Variants in CNTNAP3 observed in about 807,000 individuals in gnomAD.
CNTNAP3 encodes contactin associated protein family member 3.
CNTNAP3 carries 36 observed loss-of-function variants against 92.1 expected under a neutral mutation model. That is an observed-to-expected ratio of 0.39 (90% confidence interval 0.30 to 0.52). CNTNAP3 has a LOEUF of 0.52. Ranked by LOEUF, CNTNAP3 falls within the 20% of genes least tolerant of loss-of-function variation. The pLI is 0.76. For synonymous variants in CNTNAP3, 232 were observed against 422.3 expected (o/e 0.55, Z 5.53); for missense variants, 534 against 1,069.6 (o/e 0.50, Z 6.98).
chr9:39,094,793 G>A (rs961787590), intron 18 of CNTNAP3, among the ~76,000 whole-genome samples: 1 of 151,446 alleles, frequency 6.6e-6, no homozygotes, highest in African/African-American at 2.4e-5. Flanking sequence ...CTCCAACTTT[G>A]TTCTTTTGTA....
At chr9:39,091,546 C>G (rs1826202125) in intron 18 of CNTNAP3, among the ~76,000 whole-genome samples, 1 of 152,010 alleles carries the variant, frequency 6.6e-6, no homozygotes, top group Non-Finnish European at 1.5e-5. Context: ...GGGATCATTT[C>G]CACTTTGTCT....
chr9:39,124,799 T>C (rs924500657), intron 13 of CNTNAP3, among the ~76,000 whole-genome samples: 6 of 152,132 alleles, frequency 3.9e-5, no homozygotes, highest in Admixed American at 6.5e-5. Context: ...AAATCAAAAC[T>C]ACAATGAGAT....
intron 2 of CNTNAP3, among the ~76,000 whole-genome samples, chr9:39,253,014 TACACACACACAC>T (rs1178975952): frequency 5.5e-4 from 2 of 3,614 alleles, no homozygotes; most frequent in African/African-American, 5.9e-4. Context: ...CAACTGAATA[TACACACACACAC>T]ACACACACAC....
intron 14 of CNTNAP3, among the ~76,000 whole-genome samples, chr9:39,114,194 T>A: frequency 6.6e-6 from 1 of 151,420 alleles, no homozygotes; most frequent in African/African-American, 2.4e-5. Flanking sequence ...GCCATTCTCC[T>A]GCCTCAGCCT....
At chr9:39,150,051 G>T in intron 9 of CNTNAP3, 74 bp from the exon 10 acceptor site, 1 of 1,046,672 alleles carries the variant, frequency 9.6e-7, no homozygotes, top group East Asian at 2.5e-5. Context: ...ACTATATGAA[G>T]ACTGCTGCTC....
rs759569037 is a variant in CNTNAP3, at chr9:39,118,236, C to T, written c.2104G>A (p.Val702Ile). ...SRDGTPLSWWVGRTNETHTSW... is the reference protein window; with the variant it reads ...SRDGTPLSWWIGRTNETHTSW... ...GTGTGTGTTTCATTGGTTCTTCCAA[C>T]CCACCAGCTCAGTGGGGTTCCATCT... Residue 702 changes from valine (V) to isoleucine (I), a missense_variant, in exon 14 of 24, where the codon GTT becomes ATT. Val to Ile is a conservative substitution (Grantham distance 29). Transcript: ENST00000297668. 7 of 1,611,390 alleles carry T rather than the reference C, an allele frequency of 4.3e-6. No individual in the cohort carries two copies. The highest frequency in any genetic ancestry group is 5.1e-6 in the Non-Finnish European group (6 of 1,179,342).
chr9:39,090,097 G>C (rs934848499), intron 18 of CNTNAP3, among the ~76,000 whole-genome samples: 161 of 152,096 alleles, frequency 1.1e-3, no homozygotes, highest in African/African-American at 3.8e-3. Context: ...CCGCCACTAC[G>C]CGTGGCTAAT....
intron 13 of CNTNAP3, among the ~76,000 whole-genome samples, chr9:39,119,216 G>C (rs1362115794): frequency 6.6e-6 from 1 of 151,960 alleles, no homozygotes; most frequent in East Asian, 1.9e-4. Context: ...ATTTCAATAG[G>C]TTGTTACCAT....
In CNTNAP3 at chr9:39,149,974, C is replaced by G; in HGVS notation, c.1481G>C (p.Cys494Ser). 6.2e-7 allele frequency: 1 copy of G among 1,611,986 alleles called. No individual in the cohort carries two copies. The highest frequency in any genetic ancestry group is 8.5e-7 in the Non-Finnish European group (1 of 1,179,832). Residue 494 changes from cysteine (C) to serine (S), a missense_variant, in exon 10 of 24, where the codon TGC becomes TCC. Cys to Ser is a moderately radical substitution (Grantham distance 112). Transcript: ENST00000297668. ...DSGDTYYFGG[C>S]LDNSSGSGCK... is the part of the protein sequence containing the mutation. ...TCCAGAGCCAGAGCTGTTGTCCAGG[C>G]AGCCTAAATATGAAGACAAAAATAG...
intron 21 of CNTNAP3, 200 bp downstream of exon 21, chr9:39,085,536 G>A (rs1826045262): frequency 5.3e-6 from 3 of 565,826 alleles, no homozygotes; most frequent in Non-Finnish European, 9.4e-6. Flanking sequence ...TATTTTTCCA[G>A]GAACGCCCTT....
intron 4 of CNTNAP3, among the ~76,000 whole-genome samples, chr9:39,179,286 T>TCC (rs1491209886): frequency 2.5e-5 from 2 of 80,724 alleles, no homozygotes; most frequent in Non-Finnish European, 4.6e-5. Flanking sequence ...TCTCTCTCTC[T>TCC]ACACACACAC....
rs181337167 is a variant in CNTNAP3, at chr9:39,152,227, A to G, written c.1478-2250T>C. Among the ~76,000 whole-genome samples the G allele has an allele frequency of 4.3e-4, 56 of 130,308 alleles. 1 individual carries two copies. In the East Asian group the frequency reaches 0.012, roughly 28 times the overall value. The allele number at this position is 130,308 out of a possible 152,430, so 85.5% of individuals were successfully genotyped here. ...AATTAAATGTTGTGTTTAGATTTCT[A>G]TTTTAATAACTGAAGCTTTATCTCT... On this transcript the variant is annotated intron_variant, in intron 9 of 23. Transcript: ENST00000297668.
chr9:39,083,600 A>G (rs1825997564), intron 21 of CNTNAP3, among the ~76,000 whole-genome samples: 1 of 147,278 alleles, frequency 6.8e-6, no homozygotes, highest in African/African-American at 2.5e-5. Context: ...CGGAGGTTGC[A>G]GTGAGCCGAG....
intron 18 of CNTNAP3, among the ~76,000 whole-genome samples, chr9:39,097,598 T>A (rs1826356741): frequency 6.6e-6 from 1 of 151,786 alleles, no homozygotes; most frequent in Admixed American, 6.6e-5. Flanking sequence ...GGACAGAGCT[T>A]CTGTCCTACA....
At chr9:39,150,155 T>C (rs1239067177) in intron 9 of CNTNAP3, among the ~76,000 whole-genome samples, 178 bp from the exon 10 acceptor site, 2 of 152,026 alleles carry the variant, frequency 1.3e-5, no homozygotes, top group East Asian at 3.9e-4. Flanking sequence ...AAATTTAAGA[T>C]AATACCTGGA....
chr9:39,135,331 G>A (rs1163469668), intron 12 of CNTNAP3, among the ~76,000 whole-genome samples: 1 of 151,806 alleles, frequency 6.6e-6, no homozygotes, highest in Non-Finnish European at 1.5e-5. Flanking sequence ...GGAGTGCAGT[G>A]GCACCTTCAT....
At chr9:39,138,779 C>T (rs1453136496) in intron 12 of CNTNAP3, among the ~76,000 whole-genome samples, 6 of 152,202 alleles carry the variant, frequency 3.9e-5, no homozygotes, top group Non-Finnish European at 5.9e-5. Flanking sequence ...ACCTTGACAA[C>T]GGTTTCCCCA....
intron 19 of CNTNAP3, among the ~76,000 whole-genome samples, chr9:39,087,902 C>T (rs1826100005): frequency 6.6e-6 from 1 of 152,136 alleles, no homozygotes. Context: ...CCCCAACTAC[C>T]ACTGTTTGAG....
chr9:39,101,245 C>T lies in CNTNAP3; in HGVS notation c.2756-1095G>A, dbSNP rs1826449742. Among the ~76,000 whole-genome samples, 2 of 150,886 alleles carry T rather than the reference C, an allele frequency of 1.3e-5. 1 individual carries two copies. Among genetic ancestry groups the T allele is most frequent in the Non-Finnish European group, 2.9e-5 (2 of 67,798 alleles). ...TTTTAGGAAGTCATGGTATAACACC[C>T]CATCCACATCCACATACATACGTGG... On this transcript the variant is annotated intron_variant, in intron 17 of 23. Transcript: ENST00000297668.
Sources: gnomAD v4.1 joint callset for allele counts (sites outside exome capture counted in the v4.1 genomes callset) on GRCh38, gnomAD v4.1.1 for gene constraint, MANE v1.5 for transcripts, NCBI Gene and HGNC (gene_info 2026-07-23, HGNC 2026-07-21) for gene names.